The following ASB4 variants were observed in gnomAD, a reference collection of about 807,000 sequenced individuals.
ASB4 encodes the protein ankyrin repeat and SOCS box protein 4.
Under a neutral mutation model 38.6 loss-of-function variants are expected in ASB4, and 35 were observed. The ratio of observed to expected loss-of-function variants is 0.91; its 90% CI spans 0.69 to 1.20. The LOEUF (loss-of-function observed/expected upper bound fraction) is 1.20, where lower values mean the gene tolerates loss of function less well. Ranked by LOEUF, ASB4 falls within the 50% of genes most tolerant of loss-of-function variation. ASB4 has a pLI of 0.00. For synonymous variants in ASB4, 195 were observed against 201.3 expected, an observed-to-expected ratio of 0.97 and a Z score of 0.26; for missense variants, 557 against 527.2, an observed-to-expected ratio of 1.06 and a Z score of -0.55.
chr7:95,480,487 A>T (rs1038906202), intron 1 of ASB4, among the ~76,000 whole-genome samples: 3 of 152,142 alleles, frequency 2.0e-5, no homozygotes, highest in African/African-American at 7.2e-5. Context: ...GTGGTATATG[A>T]CTTCCTAGGT....
chr7:95,518,341 C>A (rs1790613605), intron 2 of ASB4, among the ~76,000 whole-genome samples: 1 of 152,226 alleles, frequency 6.6e-6, no homozygotes, highest in South Asian at 2.1e-4. Flanking sequence ...GTCTTCTTCT[C>A]CCCATGATAT....
rs573976648 is a variant in ASB4 at position 95,479,565 on chromosome 7, G to A, written n.157+965G>A. The stretch of plus-strand genomic sequence containing the variant: ...GGGAATAGATCATTGAAATCCTAAT[G>A]TGGTTTGAAAATTTTTTGTGTGTTT... On this transcript the variant is annotated intron_variant and non_coding_transcript_variant, in intron 1 of 1. Coordinates refer to the ASB4 transcript ENST00000257621. Among the ~76,000 whole-genome samples, 10 of 152,234 alleles carry A rather than the reference G, an allele frequency of 6.6e-5. No individual in the cohort carries two copies. In the South Asian group the frequency reaches 2.1e-3, roughly 32 times the overall value.
At chr7:95,518,587 G>A (rs552630155) in intron 2 of ASB4, among the ~76,000 whole-genome samples, 1 of 152,298 alleles carries the variant, frequency 6.6e-6, no homozygotes, top group South Asian at 2.1e-4. Flanking sequence ...AAAAAAATTA[G>A]ACTATATTGG....
chr7:95,515,891 A>G (rs530160577), intron 2 of ASB4, among the ~76,000 whole-genome samples: 290 of 152,214 alleles, frequency 1.9e-3, no homozygotes, highest in Non-Finnish European at 3.2e-3. Flanking sequence ...TGCTTGACAA[A>G]TTCCTTCTCA....
chr7:95,507,035 G>A (rs1790419485), intron 2 of ASB4, among the ~76,000 whole-genome samples: 1 of 151,874 alleles, frequency 6.6e-6, no homozygotes, highest in Non-Finnish European at 1.5e-5. Context: ...CTATATTAGA[G>A]GTTTTCCTCA....
At chr7:95,478,097 T>A (rs1279810611), upstream of ASB4, among the ~76,000 whole-genome samples, 3 of 152,208 alleles carry the variant, frequency 2.0e-5, no homozygotes, top group Non-Finnish European at 4.4e-5. Context: ...ACAGTCCAAT[T>A]TCTTTACCCC....
intron 2 of ASB4, among the ~76,000 whole-genome samples, chr7:95,516,437 A>G (rs574708542): frequency 1.3e-5 from 2 of 152,334 alleles, no homozygotes; most frequent in Admixed American, 1.3e-4. Context: ...GTCTAGAAAG[A>G]TATCCTTTCT....
intron 2 of ASB4, among the ~76,000 whole-genome samples, chr7:95,498,589 T>C (rs1163322300): frequency 6.6e-6 from 1 of 152,238 alleles, no homozygotes; most frequent in Non-Finnish European, 1.5e-5. Context: ...ATATTCCGAA[T>C]ACTAGTCATT....
At chr7:95,520,390 A>G (rs533610731) in intron 2 of ASB4, among the ~76,000 whole-genome samples, 1 of 152,222 alleles carries the variant, frequency 6.6e-6, no homozygotes, top group Non-Finnish European at 1.5e-5. Context: ...GAAAGTATAC[A>G]AACAAGCTCA....
downstream of ASB4, chr7:95,543,279 C>T (rs1416005786): frequency 1.3e-5 from 2 of 152,278 alleles, no homozygotes; most frequent in Non-Finnish European, 2.9e-5. Context: ...TCAACTGACT[C>T]CCTGTCGCCT....
intron 1 of ASB4, among the ~76,000 whole-genome samples, chr7:95,492,950 A>G (rs544672244): frequency 1.3e-5 from 2 of 152,340 alleles, no homozygotes; most frequent in East Asian, 1.9e-4. Context: ...TTCAATGTAC[A>G]TAACTCAATA....
intron 2 of ASB4, among the ~76,000 whole-genome samples, chr7:95,524,098 T>G (rs1241178818): frequency 6.6e-6 from 1 of 152,198 alleles, no homozygotes; most frequent in Non-Finnish European, 1.5e-5. Flanking sequence ...GTTGAAGATA[T>G]GCATACCCAG....
At chr7:95,482,978 C>T (rs570744462), upstream of ASB4, among the ~76,000 whole-genome samples, 1 of 152,314 alleles carries the variant, frequency 6.6e-6, no homozygotes, top group South Asian at 2.1e-4. Context: ...CATTCCTTAG[C>T]TTAGGTTCAT....
At chr7:95,540,544 T>C (rs1050425869), downstream of ASB4, among the ~76,000 whole-genome samples, 11 of 152,200 alleles carry the variant, frequency 7.2e-5, no homozygotes, top group Non-Finnish European at 1.0e-4. Flanking sequence ...TCATTTTCCT[T>C]CATTCTCACT....
chr7:95,545,291 T>A, the ASB4 span, among the ~76,000 whole-genome samples: 1 of 152,160 alleles, frequency 6.6e-6, no homozygotes, highest in Non-Finnish European at 1.5e-5. Context: ...TAAATAGGTA[T>A]TCTATGGCAC....
At chr7:95,473,179 A>C in the ASB4 span, among the ~76,000 whole-genome samples, 1 of 152,190 alleles carries the variant, frequency 6.6e-6, no homozygotes, top group Non-Finnish European at 1.5e-5. Flanking sequence ...TCTCACCTCT[A>C]TCCGTCAGAG....
chr7:95,531,431 A>C (rs933834226), intron 3 of ASB4, among the ~76,000 whole-genome samples: 1 of 152,218 alleles, frequency 6.6e-6, no homozygotes, highest in Admixed American at 6.5e-5. Context: ...GACACAGGGC[A>C]TGAAGGTGCC....
At chr7:95,507,634 A>G (rs575491713) in intron 2 of ASB4, among the ~76,000 whole-genome samples, 32 of 152,318 alleles carry the variant, frequency 2.1e-4, no homozygotes, top group Non-Finnish European at 3.5e-4. Context: ...CCCAGTGCAT[A>G]GTACATATTG....
intron 3 of ASB4, among the ~76,000 whole-genome samples, chr7:95,534,665 C>T (rs1182830468): frequency 6.6e-6 from 1 of 152,120 alleles, no homozygotes; most frequent in Non-Finnish European, 1.5e-5. Context: ...TCAAGGATCA[C>T]CTGATGATCT....
Sources: allele counts gnomAD v4.1 joint callset (sites outside exome capture counted in the v4.1 genomes callset), GRCh38; gene constraint gnomAD v4.1.1; transcripts MANE v1.5; gene names NCBI Gene and HGNC (gene_info 2026-07-23, HGNC 2026-07-21).